Variants in SSBP4 observed in about 807,000 individuals in gnomAD.
The protein encoded by SSBP4 is single stranded DNA binding protein 4.
A neutral mutation model predicts 64.6 loss-of-function variants in SSBP4; 33 were observed. That is an observed-to-expected ratio of 0.51 (90% CI 0.39 to 0.68). SSBP4 has a LOEUF of 0.68. Ranked by LOEUF, SSBP4 falls within the 30% of genes least tolerant of loss-of-function variation. The pLI is 0.00. For synonymous variants in SSBP4, 243 were observed against 224.0 expected, an observed-to-expected ratio of 1.08 and a Z score of -0.76; for missense variants, 583 against 566.8, an observed-to-expected ratio of 1.03 and a Z score of -0.29.
rs1972607751 is a variant in SSBP4 at position 18,423,594 on chromosome 19, C to T, written c.60-3757C>T. 6.6e-6 allele frequency among the ~76,000 whole-genome samples: 1 copy of T among 152,186 alleles called. No homozygotes were observed. The highest frequency in any genetic ancestry group is 1.5e-5 in the Non-Finnish European group (1 of 68,036). ...GCAGGGAGCATCCATTGCAGCCATT[C>T]TGGGTAATTATGGTAACTCGCGTCA... On this transcript the variant is annotated intron_variant, in intron 1 of 17. Coordinates refer to ENST00000270061, the MANE Select transcript of SSBP4 (RefSeq NM_032627.5). The surrounding 1 kb of genome is among the most constrained non-coding windows in gnomAD (Gnocchi z 4.0).
At chr19:18,419,896 A>C (rs1972311968) in intron 1 of SSBP4, among the ~76,000 whole-genome samples, 189 bp downstream of exon 1, 1 of 139,788 alleles carries the variant, frequency 7.2e-6, no homozygotes, top group East Asian at 2.1e-4. Flanking sequence ...GGCGCGCGAG[A>C]CCCTGAGGGG....
rs148279744 is a variant in SSBP4 at position 18,422,556 on chromosome 19, G to GC, written c.59+2852dup. Among the ~76,000 whole-genome samples the GC allele has an allele frequency of 8.6e-3, 1,316 of 152,338 alleles. 15 individuals are homozygous for GC. Among genetic ancestry groups the GC allele is most frequent in the African/African-American group, 0.029 (1,210 of 41,570 alleles). On this transcript the variant is annotated intron_variant, in intron 1 of 17. Transcript: ENST00000270061. ...CCATTTCAACGAAAGGGACACCAGG[G>GC]CCCTGGAGAGGAAGCCACCTGATGA...
intron 5 of SSBP4, 59 bp downstream of exon 5, chr19:18,430,989 T>G (rs1973317057): frequency 3.8e-6 from 6 of 1,560,076 alleles, no homozygotes; most frequent in Non-Finnish European, 5.2e-6. Flanking sequence ...CGTTTGAGGG[T>G]GGGGGGGGTC....
At position 18,430,866 on chromosome 19, in the gene SSBP4, T is replaced by C. The variant is rs1459880612; in HGVS notation, c.305T>C (p.Val102Ala). 6.2e-7 allele frequency: 1 copy of C among 1,613,046 alleles called. No individual in the cohort carries two copies. Among genetic ancestry groups the C allele is most frequent in the Non-Finnish European group, 8.5e-7 (1 of 1,179,742 alleles). Residue 102 changes from valine (V) to alanine (A), a missense_variant, in exon 5 of 18, where the codon GTT becomes GCT. Physicochemically the swap from Val to Ala is moderately conservative, Grantham distance 64. This residue lies in a region of SSBP4 where 444 missense variants were observed against 386.6 expected (regional missense o/e 1.15). Transcript: ENST00000270061. ...DYSAAAAPSP[V>A]MGSMAPGDTM... is the part of the protein sequence containing the mutation. ...AGTGCTGCAGCCGCCCCCAGCCCCG[T>C]TATGGGGAGTATGGCCCCAGGTGAC... is the stretch of plus-strand genomic sequence containing the variant.
intron 7 of SSBP4, 24 bp downstream of exon 7, chr19:18,431,730 CG>C (rs1390643011): frequency 1.3e-6 from 2 of 1,543,426 alleles, no homozygotes; most frequent in Non-Finnish European, 1.8e-6. Context: ...GAGGGGAGGG[CG>C]GGCAGGAGCT....
intron 4 of SSBP4, among the ~76,000 whole-genome samples, chr19:18,430,122 G>T (rs1973229076): frequency 6.6e-6 from 1 of 152,116 alleles, no homozygotes; most frequent in African/African-American, 2.4e-5. Flanking sequence ...GCTTGGCCTG[G>T]ACCATACAGA....
At chr19:18,418,187 C>T (rs1972203721), upstream of SSBP4, among the ~76,000 whole-genome samples, 1 of 152,214 alleles carries the variant, frequency 6.6e-6, no homozygotes, top group South Asian at 2.1e-4. The surrounding 1 kb of genome is among the most constrained non-coding windows in gnomAD (Gnocchi z 6.7). Flanking sequence ...TTGCCCGCCC[C>T]CCACGCACAA....
Position 18,433,363 on chromosome 19 carries a change from C to T in SSBP4, c.991+150C>T, listed in dbSNP as rs1048691594. 6.3e-6 allele frequency: 8 copies of T among 1,276,580 alleles called. No homozygotes were observed. In the African/African-American group the frequency reaches 1.0e-4, roughly 16 times the overall value. 79.1% of individuals were successfully genotyped at this position (1,276,580 alleles called of 1,614,324 possible). On this transcript the variant is annotated intron_variant, in intron 15 of 17. Coordinates refer to ENST00000270061, the MANE Select transcript of SSBP4 (RefSeq NM_032627.5). ...GGCCGCTCAGTGACAGGGGCTGCCC[C>T]GAGCTGGAGGGGGATCCAGCGACCA...
In SSBP4 at chr19:18,431,412, C is replaced by CG; in HGVS notation, c.431dup (p.Gln145SerfsTer134). 3 of 1,507,984 alleles carry CG rather than the reference C, an allele frequency of 2.0e-6. No homozygotes were observed. The highest frequency in any genetic ancestry group is 1.8e-6 in the Non-Finnish European group (2 of 1,117,284). The allele number at this position is 1,507,984 out of a possible 1,614,324, so 93.4% of individuals were successfully genotyped here. A position where few individuals can be genotyped will look rare whatever the true frequency, so the allele number is the denominator to read the frequency against. ...CCAACGCCCCCATGATGGGGCCTCACGGTCAGGTAAGGAGCTGTGGTGCCT... is the reference window on the plus strand; with the variant it reads ...CCAACGCCCCCATGATGGGGCCTCACGGGTCAGGTAAGGAGCTGTGGTGCCT... On this transcript the variant is annotated frameshift_variant, in exon 6 of 18. Coordinates refer to ENST00000270061, the MANE Select transcript of SSBP4 (RefSeq NM_032627.5). LOFTEE classifies it high-confidence loss of function.
intron 15 of SSBP4, 89 bp downstream of exon 15, chr19:18,433,302 G>C: frequency 6.7e-7 from 1 of 1,483,790 alleles, no homozygotes. Context: ...CCGCCTGCCG[G>C]GTGGAGGCGT....
upstream of SSBP4, among the ~76,000 whole-genome samples, chr19:18,417,488 G>A (rs1176526659): frequency 6.6e-6 from 1 of 152,232 alleles, no homozygotes; most frequent in Non-Finnish European, 1.5e-5. The surrounding 1 kb of genome is among the most constrained non-coding windows in gnomAD (Gnocchi z 5.4). Context: ...TGTGACTTTG[G>A]GTGAGCCACA....
chr19:18,415,461 G>A (rs1352558741), upstream of SSBP4, among the ~76,000 whole-genome samples: 2 of 152,244 alleles, frequency 1.3e-5, no homozygotes, highest in African/African-American at 4.8e-5. Context: ...CCAGAGGAAG[G>A]CGGAGGCGGC....
In SSBP4 at chr19:18,431,585, A is replaced by G. The variant is rs373070398; in HGVS notation, c.436-62A>G. The G allele has an allele frequency of 3.4e-3, 5,148 of 1,510,340 alleles. 14 individuals are homozygous for G. The highest frequency in any genetic ancestry group is 4.2e-3 in the Non-Finnish European group (4,733 of 1,121,212). 93.6% of individuals were successfully genotyped at this position (1,510,340 alleles called of 1,614,324 possible). On this transcript the variant is annotated intron_variant, in intron 6 of 17. Transcript: ENST00000270061. Reference sequence around the variant, plus strand: ...GGTCGGGGGCCCCAGCATAGCAGGAATGGGGTAGCTTTGGGGACCAGAGGG... The same window carrying G: ...GGTCGGGGGCCCCAGCATAGCAGGAGTGGGGTAGCTTTGGGGACCAGAGGG...
upstream of SSBP4, among the ~76,000 whole-genome samples, chr19:18,417,788 G>C (rs1972179800): frequency 6.6e-6 from 1 of 152,212 alleles, no homozygotes; most frequent in South Asian, 2.1e-4. The surrounding 1 kb of genome is among the most constrained non-coding windows in gnomAD (Gnocchi z 5.4). Context: ...GGAGGAGGCG[G>C]GGCTGGGGCC....
rs527889983 is a variant in SSBP4 at position 18,433,680 on chromosome 19, G to A, written c.1021-30G>A. The A allele has an allele frequency of 3.2e-4, 445 of 1,378,978 alleles. 7 individuals carry two copies. Among genetic ancestry groups the A allele is most frequent in the African/African-American group, 2.9e-3 (190 of 64,700 alleles). 85.4% of individuals were successfully genotyped at this position (1,378,978 alleles called of 1,614,324 possible). On this transcript the variant is annotated intron_variant, in intron 16 of 17. Coordinates refer to ENST00000270061, the MANE Select transcript of SSBP4 (RefSeq NM_032627.5). The stretch of plus-strand genomic sequence containing the variant: ...GGTGGCGGGGAGGGGGCGGGGCGGG[G>A]AGTTGCGAGCCGACGGCGGCCGCCC...
At chr19:18,430,802 G>A in intron 4 of SSBP4, 39 bp from the exon 5 acceptor site, 2 of 1,578,528 alleles carry the variant, frequency 1.3e-6, no homozygotes, top group Non-Finnish European at 1.7e-6. Flanking sequence ...GTGTCCAGGT[G>A]TCCTGACCTG....
the SSBP4 span, among the ~76,000 whole-genome samples, chr19:18,407,566 G>A: frequency 1.3e-5 from 2 of 151,194 alleles, no homozygotes; most frequent in Non-Finnish European, 2.9e-5. Context: ...AGAGTAGCTG[G>A]GACTACAGGC....
At position 18,427,298 on chromosome 19, in the gene SSBP4, G is replaced by GT. The variant is rs1255014647; in HGVS notation, c.60-52dup. The stretch of plus-strand genomic sequence containing the variant: ...TCCTGAGAGATGGAGGGGCTTTGGG[G>GT]TGGGCCCTTGCCTTGGAGAGTCTGA... On this transcript the variant is annotated intron_variant, in intron 1 of 17. Coordinates refer to ENST00000270061, the MANE Select transcript of SSBP4 (RefSeq NM_032627.5). The surrounding 1 kb of genome is among the most constrained non-coding windows in gnomAD (Gnocchi z 4.4). The GT allele has an allele frequency of 6.3e-7, 1 of 1,587,212 alleles. No homozygotes were observed. Among genetic ancestry groups the GT allele is most frequent in the Non-Finnish European group, 8.6e-7 (1 of 1,167,538 alleles).
chr19:18,428,061 G>A, intron 4 of SSBP4, 79 bp downstream of exon 4: 3 of 1,400,322 alleles, frequency 2.1e-6, no homozygotes, highest in Non-Finnish European at 3.0e-6. Flanking sequence ...TGGGGTGGGG[G>A]GCTGCACAGC....
Sources: gnomAD v4.1 joint callset for allele counts (sites outside exome capture counted in the v4.1 genomes callset) on GRCh38, gnomAD v4.1.1 for gene constraint, gnomAD v4.1.1 regional missense constraint, Gnocchi (gnomAD v3.1) non-coding constraint, MANE v1.5 for transcripts, NCBI Gene and HGNC (gene_info 2026-07-23, HGNC 2026-07-21) for gene names.